The following LETM1 variants were observed in gnomAD, a reference collection of about 807,000 sequenced individuals.
LETM1 encodes mitochondrial proton/calcium exchanger protein.
In LETM1, 50 loss-of-function variants were observed where a neutral mutation model predicts 74.5. The observed-to-expected ratio is 0.67, with a 90% CI of 0.53 to 0.85. LETM1 has a LOEUF of 0.85. Ranked by LOEUF, LETM1 falls within the 40% of genes least tolerant of loss-of-function variation. The probability of loss-of-function intolerance (pLI) is 0.00; values close to 1 mark genes in which losing one functional copy is unlikely to be tolerated. For synonymous variants in LETM1, 446 were observed against 407.1 expected (o/e 1.10, Z -1.15); for missense variants, 824 against 967.8 (o/e 0.85, Z 1.97).
At position 1,814,403 on chromosome 4, in the gene LETM1, C is replaced by G. The variant is rs370750898; in HGVS notation, c.*21G>C. 4.6e-5 allele frequency: 75 copies of G among 1,614,056 alleles called. No individual in the cohort carries two copies. Among genetic ancestry groups the G allele is most frequent in the Non-Finnish European group, 5.9e-5 (70 of 1,179,968 alleles). On this transcript the variant is annotated 3_prime_UTR_variant, in exon 14 of 14. Coordinates refer to ENST00000302787, the MANE Select transcript of LETM1 (RefSeq NM_012318.3). ...CCAGGGTGACGGCACAGCAGGAGGACAGGTGCCCAGGCCAGTGGTTCTAGC... is the reference window on the plus strand; with the variant it reads ...CCAGGGTGACGGCACAGCAGGAGGAGAGGTGCCCAGGCCAGTGGTTCTAGC...
At chr4:1,823,930 C>T (rs1290999177) in intron 7 of LETM1, among the ~76,000 whole-genome samples, 155 bp from the exon 8 acceptor site, 5 of 152,146 alleles carry the variant, frequency 3.3e-5, no homozygotes, top group Non-Finnish European at 5.9e-5. Flanking sequence ...GACCCGATGA[C>T]GGCGTTAGTA....
At chr4:1,843,802 C>A (rs1712787339) in intron 2 of LETM1, among the ~76,000 whole-genome samples, 1 of 152,140 alleles carries the variant, frequency 6.6e-6, no homozygotes, top group Admixed American at 6.5e-5. Context: ...CACCTCTGAG[C>A]CAGGAAGGGG....
rs1056533908 is a variant in LETM1, at chr4:1,836,755, A to G, written c.595-183T>C. On this transcript the variant is annotated intron_variant, in intron 3 of 13. Transcript: ENST00000302787. The surrounding 1 kb of genome is among the most constrained non-coding windows in gnomAD (Gnocchi z 5.8). Reference sequence around the variant, plus strand: ...CATTCCCAAAACCCACTTCTTTCTCAGGGTCCAAAGCAGGTACCAGCAGCC... The same window carrying G: ...CATTCCCAAAACCCACTTCTTTCTCGGGGTCCAAAGCAGGTACCAGCAGCC... Among the ~76,000 whole-genome samples, 2 of 152,192 alleles carry G rather than the reference A, an allele frequency of 1.3e-5. No individual in the cohort carries two copies. The highest frequency in any genetic ancestry group is 2.9e-5 in the Non-Finnish European group (2 of 68,040).
chr4:1,823,889 T>C (rs1439588183), intron 7 of LETM1, 114 bp from the exon 8 acceptor site: 2 of 1,200,736 alleles, frequency 1.7e-6, no homozygotes, highest in East Asian at 5.0e-5. Flanking sequence ...TGTCTCAAGT[T>C]CTACAAGGTC....
Position 1,841,485 on chromosome 4 carries a change from G to A in LETM1, c.456C>T (p.Ser152=), listed in dbSNP as rs200381382. ...SPPAEVVVKK[S]LGQRVLDELK... is the part of the protein sequence containing the mutation. Reference sequence around the variant, plus strand: ...GCTCGTCCAGCACCCGCTGCCCCAGGGACTTCTTCACCACCACCTCTGCGG... The same window carrying A: ...GCTCGTCCAGCACCCGCTGCCCCAGAGACTTCTTCACCACCACCTCTGCGG... Residue 152 remains serine, a synonymous_variant, in exon 3 of 14, where the codon TCC becomes TCT. Coordinates refer to ENST00000302787, the MANE Select transcript of LETM1 (RefSeq NM_012318.3). The A allele has an allele frequency of 3.8e-5, 62 of 1,614,220 alleles. No individual in the cohort carries two copies. Among genetic ancestry groups the A allele is most frequent in the Non-Finnish European group, 5.0e-5 (59 of 1,180,038 alleles).
rs11933175 is a variant in LETM1, at chr4:1,836,549, G to T, written c.618C>A (p.Leu206=). 1,564 of 1,613,992 alleles carry T rather than the reference G, an allele frequency of 9.7e-4. 14 individuals are homozygous for T. The African/African-American group carries it at 0.019, about 19-fold the overall frequency. The change falls in exon 4 of 14, where the codon CTC becomes CTA. Residue 206 remains leucine, a synonymous_variant. Transcript: ENST00000302787. This position sits in a 1 kb window ranked among gnomAD's most constrained non-coding sequence, Gnocchi z 5.8. Reference sequence around the variant, plus strand: ...ACACAAGGAACGGCACCAGGCGGAAGAGGTCAGCGCAGATCCGGAGAAACT... The same window carrying T: ...ACACAAGGAACGGCACCAGGCGGAATAGGTCAGCGCAGATCCGGAGAAACT... The part of the protein sequence containing the change: ...RRQFLRICAD[L]FRLVPFLVFV...
At chr4:1,818,880 G>A (rs150674455) in intron 11 of LETM1, among the ~76,000 whole-genome samples, 218 of 152,072 alleles carry the variant, frequency 1.4e-3, no homozygotes, top group Non-Finnish European at 2.5e-3. Flanking sequence ...CCAGGAGTTC[G>A]AGATGAGCCT....
intron 2 of LETM1, among the ~76,000 whole-genome samples, chr4:1,845,550 C>CTT (rs756401146): frequency 7.7e-6 from 1 of 130,256 alleles, no homozygotes; most frequent in Non-Finnish European, 1.7e-5. Context: ...TTTTTTTTTT[C>CTT]TTTTTTTTTT....
intron 6 of LETM1, among the ~76,000 whole-genome samples, chr4:1,828,828 C>G (rs1181719612): frequency 7.7e-6 from 1 of 130,670 alleles, no homozygotes; most frequent in Non-Finnish European, 1.7e-5. Flanking sequence ...CCCCCCACCT[C>G]CCTCCCGGAC....
chr4:1,827,778 TG>T (rs1365741630), intron 6 of LETM1, among the ~76,000 whole-genome samples: 3 of 150,124 alleles, frequency 2.0e-5, no homozygotes, highest in Non-Finnish European at 4.4e-5. Flanking sequence ...ATTGTCATCC[TG>T]GCCCGTTCTC....
chr4:1,849,284 T>G, intron 1 of LETM1, 75 bp from the exon 2 acceptor site: 1 of 1,136,988 alleles, frequency 8.8e-7, no homozygotes, highest in Non-Finnish European at 1.3e-6. Flanking sequence ...TGTTGTTGGT[T>G]TTTGGAGTTT....
intron 6 of LETM1, among the ~76,000 whole-genome samples, chr4:1,826,032 G>A (rs1439159932): frequency 6.6e-6 from 1 of 152,172 alleles, no homozygotes; most frequent in Non-Finnish European, 1.5e-5. Context: ...AAAAGAAGGA[G>A]GGATGGAAGG....
chr4:1,855,957 G>T lies in LETM1; in HGVS notation c.-7C>A. ...TCAGTAAGATGGACGCCATGTGCTC[G>T]GGCGCGGCGGCCGCTCCGGCCTCCT... is the stretch of plus-strand genomic sequence containing the variant. On this transcript the variant is annotated 5_prime_UTR_variant, in exon 1 of 14. Coordinates refer to ENST00000302787, the MANE Select transcript of LETM1 (RefSeq NM_012318.3). 8.2e-7 allele frequency: 1 copy of T among 1,212,984 alleles called. No individual in the cohort carries two copies. Among genetic ancestry groups the T allele is most frequent in the Non-Finnish European group, 1.0e-6 (1 of 976,642 alleles). The allele number at this position is 1,212,984 out of a possible 1,614,324, so 75.1% of individuals were successfully genotyped here. A position where few individuals can be genotyped will look rare whatever the true frequency, so the allele number is the denominator to read the frequency against.
In LETM1 at chr4:1,822,177, T is replaced by C. The variant is rs1711803107; in HGVS notation, c.1608+4A>G. 3 of 1,409,888 alleles carry C rather than the reference T, an allele frequency of 2.1e-6. No individual in the cohort carries two copies. The highest frequency in any genetic ancestry group is 2.5e-5 in the Admixed American group (1 of 39,756). 87.3% of individuals were successfully genotyped at this position (1,409,888 alleles called of 1,614,324 possible). A position where few individuals can be genotyped will look rare whatever the true frequency, so the allele number is the denominator to read the frequency against. The stretch of plus-strand genomic sequence containing the variant: ...CTCCAGGGCCCCAGAACCTGCCTCA[T>C]TACCTTCAAGCCCTCCAGCACCGGG... On this transcript the variant is annotated splice_donor_region_variant and intron_variant, in intron 10 of 13. Transcript: ENST00000302787.
rs115233072 is a variant in LETM1 at position 1,816,898 on chromosome 4, T to C, written c.1760A>G (p.Lys587Arg). ...TTCACCAGTCTTTGAAAGTTCCTTC[T>C]TGATCTCCTGCAAGTCCTAATAAAA... The part of the protein sequence containing the change: ...QDYSEDLQEI[K>R]KELSKTGEEK... The change falls in exon 12 of 14, where the codon AAG (lysine) becomes AGG (arginine). Residue 587 changes from lysine to arginine, a missense_variant. Lys to Arg is a conservative substitution (Grantham distance 26). Transcript: ENST00000302787. 6.8e-3 allele frequency: 10,932 copies of C among 1,613,118 alleles called. 129 individuals are homozygous for C. Among genetic ancestry groups the C allele is most frequent in the African/African-American group, 0.04 (3,008 of 74,996 alleles).
In LETM1 at chr4:1,836,973, C is replaced by T. The variant is rs914909069; in HGVS notation, c.595-401G>A. 1.3e-5 allele frequency among the ~76,000 whole-genome samples: 2 copies of T among 152,172 alleles called. No individual in the cohort carries two copies. The highest frequency in any genetic ancestry group is 2.4e-5 in the African/African-American group (1 of 41,440). On this transcript the variant is annotated intron_variant, in intron 3 of 13. Coordinates refer to ENST00000302787, the MANE Select transcript of LETM1 (RefSeq NM_012318.3). The surrounding 1 kb of genome is among the most constrained non-coding windows in gnomAD (Gnocchi z 5.8). The stretch of plus-strand genomic sequence containing the variant: ...GAGCCACACCTTCTCTTGGAGGGTG[C>T]TCTATAAGGAGGGCTTCTCTTGTGT...
chr4:1,823,846 T>A (rs1711886631), intron 7 of LETM1, 71 bp from the exon 8 acceptor site: 1 of 1,501,534 alleles, frequency 6.7e-7, no homozygotes, highest in Non-Finnish European at 9.0e-7. Context: ...GGTCCGCCCA[T>A]CTCATCACCA....
intron 5 of LETM1, 66 bp from the exon 6 acceptor site, chr4:1,833,013 C>T (rs191423200): frequency 1.4e-6 from 2 of 1,418,110 alleles, no homozygotes; most frequent in Non-Finnish European, 2.0e-6. Flanking sequence ...CCACGACCAA[C>T]CACATTCCCA....
intron 10 of LETM1, among the ~76,000 whole-genome samples, chr4:1,821,046 T>C (rs1315312114): frequency 3.9e-5 from 6 of 152,120 alleles, no homozygotes; most frequent in African/African-American, 1.2e-4. Context: ...TCAAGCCAAT[T>C]TGCATTTTTT....
Sources: allele counts gnomAD v4.1 joint callset (sites outside exome capture counted in the v4.1 genomes callset), GRCh38; gene constraint gnomAD v4.1.1; non-coding constraint Gnocchi (gnomAD v3.1); transcripts MANE v1.5; gene names NCBI Gene and HGNC (gene_info 2026-07-23, HGNC 2026-07-21).